Variants in SMOC1 observed in about 807,000 individuals in gnomAD.
SMOC1 encodes the protein SPARC-related modular calcium-binding protein 1.
SMOC1 carries 22 observed loss-of-function variants against 56.3 expected under a neutral mutation model. The ratio of observed to expected loss-of-function variants is 0.39; its 90% CI spans 0.28 to 0.56. The LOEUF (loss-of-function observed/expected upper bound fraction) is 0.56. Among genes scored for constraint, SMOC1 ranks in the 20% least tolerant of loss-of-function variants. The pLI, the probability that SMOC1 is intolerant of heterozygous loss-of-function variation, is 0.61. For synonymous variants in SMOC1, 193 were observed against 215.0 expected (o/e 0.90, Z 0.89); for missense variants, 509 against 565.4 (o/e 0.90, Z 1.01).
At chr14:69,885,406 CT>C in intron 1 of SMOC1, 3 of 1,600,742 alleles carry the variant, frequency 1.9e-6, no homozygotes, top group South Asian at 2.2e-5. Flanking sequence ...GAGCCACAGA[CT>C]TAGGACCCAG....
chr14:69,997,391 G>A (rs754795982), intron 7 of SMOC1, among the ~76,000 whole-genome samples: 7 of 152,208 alleles, frequency 4.6e-5, no homozygotes, highest in Non-Finnish European at 7.3e-5. Flanking sequence ...TGCATGTAGC[G>A]GAGATAAACC....
intron 1 of SMOC1, among the ~76,000 whole-genome samples, chr14:69,918,233 TATA>T (rs1163012778): frequency 1.6e-5 from 2 of 122,952 alleles, no homozygotes; most frequent in African/African-American, 3.5e-5. Context: ...TATATATATA[TATA>T]TTTTTTTTTT....
intron 7 of SMOC1, 52 bp downstream of exon 7, chr14:69,994,532 C>G: frequency 6.9e-7 from 1 of 1,459,492 alleles, no homozygotes; most frequent in Non-Finnish European, 9.6e-7. Flanking sequence ...CTTCCTTGCC[C>G]CGTGGTTCTG....
At chr14:69,899,051 A>C (rs1884170118) in intron 1 of SMOC1, among the ~76,000 whole-genome samples, 2 of 152,070 alleles carry the variant, frequency 1.3e-5, no homozygotes, top group Non-Finnish European at 2.9e-5. Context: ...CCCCTACCTT[A>C]GGTGGAGCAT....
chr14:69,885,282 A>G (rs905654099), intron 1 of SMOC1: 435 of 790,826 alleles, frequency 5.5e-4, no homozygotes, highest in Non-Finnish European at 7.5e-4. Context: ...TTTTTTTTTT[A>G]AGGAAAATTT....
chr14:69,895,392 C>G (rs144612488), intron 1 of SMOC1, among the ~76,000 whole-genome samples: 61 of 152,010 alleles, frequency 4.0e-4, no homozygotes, highest in African/African-American at 1.4e-3. Flanking sequence ...ACTCTTGATG[C>G]TGGTTAATAG....
At chr14:70,024,548 A>G (rs1291942485) in intron 11 of SMOC1, among the ~76,000 whole-genome samples, 5 of 152,158 alleles carry the variant, frequency 3.3e-5, no homozygotes, top group African/African-American at 4.8e-5. Context: ...GGTCTAACCC[A>G]TTACTGGAAA....
rs1349744772 is a variant in SMOC1 at position 69,879,646 on chromosome 14, G to T, written c.-33G>T. 7 of 1,460,464 alleles carry T rather than the reference G, an allele frequency of 4.8e-6. No individual in the cohort carries two copies. In the African/African-American group the frequency reaches 7.3e-5, roughly 15 times the overall value. 90.5% of individuals were successfully genotyped at this position (1,460,464 alleles called of 1,614,324 possible). A position where few individuals can be genotyped will look rare whatever the true frequency, so the allele number is the denominator to read the frequency against. Reference sequence around the variant, plus strand: ...GCGCCCCGCGGAGCCCGCGAACCCCGCTCGCTGCCGGCTGCCCAGCCTGGC... The same window carrying T: ...GCGCCCCGCGGAGCCCGCGAACCCCTCTCGCTGCCGGCTGCCCAGCCTGGC... On this transcript the variant is annotated 5_prime_UTR_variant, in exon 1 of 12. Transcript: ENST00000361956.
rs1053963285 is a variant in SMOC1 at position 69,900,112 on chromosome 14, A to G, written c.99+20335A>G. Among the ~76,000 whole-genome samples, 3 of 152,166 alleles carry G rather than the reference A, an allele frequency of 2.0e-5. 1 individual carries two copies. The highest frequency in any genetic ancestry group is 4.1e-4 in the South Asian group (2 of 4,826). On this transcript the variant is annotated intron_variant, in intron 1 of 11. Coordinates refer to ENST00000361956, the MANE Select transcript of SMOC1 (RefSeq NM_001034852.3). ...AGTGGTGGATTATGGAAACTTTTTC[A>G]CAGTTCCTGCTCATGTGGCTGTGCT...
intron 2 of SMOC1, 115 bp from the exon 3 acceptor site, chr14:69,953,305 C>G: frequency 1.1e-6 from 1 of 907,496 alleles, no homozygotes; most frequent in Non-Finnish European, 1.8e-6. Context: ...TTGGACAAGC[C>G]AGTTAGTTGT....
Position 70,013,438 on chromosome 14 carries a change from C to A in SMOC1, c.993C>A (p.Leu331=). ...MEFITSLLDA[L]TTDMVQAINS... ...TTATCACCAGCCTACTGGATGCTCT[C>A]ACCACTGACATGGTTCAGGCCATTA... Residue 331 remains leucine, a synonymous_variant, in exon 10 of 12, where the codon CTC becomes CTA. Transcript: ENST00000361956. 1 of 1,614,184 alleles carries A rather than the reference C, an allele frequency of 6.2e-7. No homozygotes were observed. Among genetic ancestry groups the A allele is most frequent in the Non-Finnish European group, 8.5e-7 (1 of 1,180,030 alleles).
intron 3 of SMOC1, among the ~76,000 whole-genome samples, chr14:69,961,316 A>ATATG (rs1555361596): frequency 8.9e-6 from 1 of 112,926 alleles, no homozygotes; most frequent in Non-Finnish European, 1.8e-5. Context: ...ATATATATAT[A>ATATG]TATCCTGTTT....
chr14:70,018,243 A>C (rs1348298694), intron 10 of SMOC1, among the ~76,000 whole-genome samples: 1 of 152,152 alleles, frequency 6.6e-6, no homozygotes, highest in African/African-American at 2.4e-5. Flanking sequence ...AAGTGTCAGC[A>C]TGAAGGGTGA....
At chr14:69,890,675 A>G (rs754555824) in intron 1 of SMOC1, among the ~76,000 whole-genome samples, 2 of 152,232 alleles carry the variant, frequency 1.3e-5, no homozygotes, top group Non-Finnish European at 2.9e-5. Flanking sequence ...GCTAGTAACT[A>G]TTAGTGCCAG....
intron 11 of SMOC1, among the ~76,000 whole-genome samples, chr14:70,027,808 C>T (rs1440311131): frequency 6.6e-6 from 1 of 152,132 alleles, no homozygotes; most frequent in Non-Finnish European, 1.5e-5. Flanking sequence ...TGGTACATAG[C>T]GAAGGCACAA....
intron 7 of SMOC1, among the ~76,000 whole-genome samples, chr14:69,996,558 C>T (rs1166003334): frequency 6.6e-6 from 1 of 152,246 alleles, no homozygotes; most frequent in Non-Finnish European, 1.5e-5. Context: ...CATTCCTACT[C>T]TCCAATTAGA....
At chr14:70,029,217 GT>G (rs1237948200) in intron 11 of SMOC1, among the ~76,000 whole-genome samples, 2 of 152,228 alleles carry the variant, frequency 1.3e-5, no homozygotes, top group East Asian at 3.8e-4. Context: ...AGGCGTGGCA[GT>G]TTCCACAATG....
At chr14:69,909,278 T>C (rs951085913) in intron 1 of SMOC1, among the ~76,000 whole-genome samples, 3 of 152,244 alleles carry the variant, frequency 2.0e-5, no homozygotes, top group Non-Finnish European at 4.4e-5. Flanking sequence ...ATTCACTCTA[T>C]ATGCTTTGTT....
chr14:69,956,406 T>G (rs1002482970), intron 3 of SMOC1, among the ~76,000 whole-genome samples: 2 of 151,224 alleles, frequency 1.3e-5, no homozygotes, highest in Non-Finnish European at 2.9e-5. Flanking sequence ...TGCCGGGAGA[T>G]GAATGCTTTC....
Sources: gnomAD v4.1 joint callset for allele counts (sites outside exome capture counted in the v4.1 genomes callset) on GRCh38, gnomAD v4.1.1 for gene constraint, MANE v1.5 for transcripts, NCBI Gene and HGNC (gene_info 2026-07-23, HGNC 2026-07-21) for gene names.